ZCCHC2: variants seen among roughly 807,000 people sequenced by gnomAD.
ZCCHC2 encodes the protein zinc finger CCHC-type containing 2, also known as zinc finger CCHC domain-containing protein 2.
A neutral mutation model predicts 103.6 loss-of-function variants in ZCCHC2; 39 were observed. That is an observed-to-expected ratio of 0.38 (90% CI 0.29 to 0.49). The LOEUF (loss-of-function observed/expected upper bound fraction) is 0.49, where lower values mean the gene tolerates loss of function less well. Among genes scored for constraint, ZCCHC2 ranks in the 20% least tolerant of loss-of-function variants. ZCCHC2 has a pLI of 0.96. For missense variants in ZCCHC2, 1,483 were observed against 1,491.0 expected (o/e 0.99, Z 0.09); for synonymous variants, 687 against 608.9 (o/e 1.13, Z -1.89).
chr18:62,573,848 T>TAC (rs1916687264), intron 12 of ZCCHC2, among the ~76,000 whole-genome samples: 1 of 152,244 alleles, frequency 6.6e-6, no homozygotes, highest in Admixed American at 6.5e-5. Flanking sequence ...GTTTTCTGTT[T>TAC]ATATCCCCGT....
At chr18:62,529,196 A>AG (rs998430033) in intron 1 of ZCCHC2, among the ~76,000 whole-genome samples, 136 of 152,134 alleles carry the variant, frequency 8.9e-4, no homozygotes, top group African/African-American at 3.2e-3. Context: ...CTTTTTAAAA[A>AG]TGACCAGTTC....
intron 7 of ZCCHC2, among the ~76,000 whole-genome samples, chr18:62,559,565 T>G (rs2145517580): frequency 6.6e-6 from 1 of 152,326 alleles, no homozygotes; most frequent in South Asian, 2.1e-4. Flanking sequence ...GGACGAAATT[T>G]GGTGCTGTGT....
chr18:62,567,588 C>T (rs1307722761), intron 11 of ZCCHC2, among the ~76,000 whole-genome samples: 4 of 152,130 alleles, frequency 2.6e-5, no homozygotes, highest in Non-Finnish European at 5.9e-5. Flanking sequence ...TCTGTTAAAA[C>T]CCAAGCTTTC....
chr18:62,526,818 C>T (rs1313872062), intron 1 of ZCCHC2: 1 of 151,616 alleles, frequency 6.6e-6, no homozygotes, highest in South Asian at 2.1e-4. Flanking sequence ...AGATGGCGGC[C>T]GCGCGCGCCT....
chr18:62,539,924 C>T, intron 2 of ZCCHC2, 132 bp downstream of exon 2: 3 of 705,086 alleles, frequency 4.3e-6, no homozygotes, highest in Non-Finnish European at 7.0e-6. Flanking sequence ...CTAGGCTTCA[C>T]TCAAGAGCCA....
At chr18:62,537,819 T>C (rs1914993982) in intron 1 of ZCCHC2, among the ~76,000 whole-genome samples, 1 of 152,220 alleles carries the variant, frequency 6.6e-6, no homozygotes, top group Non-Finnish European at 1.5e-5. Context: ...GGTCATAAAA[T>C]AATTCTGTGT....
At chr18:62,526,590 TC>T (rs1379557652) in intron 1 of ZCCHC2, among the ~76,000 whole-genome samples, 2 of 152,102 alleles carry the variant, frequency 1.3e-5, no homozygotes, top group Non-Finnish European at 2.9e-5. Flanking sequence ...TTCGCTGCAG[TC>T]CGGCCCAGCT....
Position 62,539,595 on chromosome 18 carries a change from T to G in ZCCHC2, c.940-86T>G, listed in dbSNP as rs969218618. 6 of 1,208,342 alleles carry G rather than the reference T, an allele frequency of 5.0e-6. No homozygotes were observed. The African/African-American group carries it at 7.6e-5, about 15-fold the overall frequency. The allele number at this position is 1,208,342 out of a possible 1,614,324, so 74.9% of individuals were successfully genotyped here. On this transcript the variant is annotated intron_variant, in intron 1 of 13. Coordinates refer to ENST00000269499, the MANE Select transcript of ZCCHC2 (RefSeq NM_017742.6). ...CTCTAAAAATTGCCACTAAAATGGT[T>G]GTTAGTAAAATGAGAAGACCTAAAT...
intron 1 of ZCCHC2, among the ~76,000 whole-genome samples, chr18:62,528,556 G>A (rs1166211499): frequency 1.3e-5 from 2 of 148,512 alleles, no homozygotes; most frequent in Non-Finnish European, 3.0e-5. Flanking sequence ...CCGAGGTGGC[G>A]CCACTGCACT....
At position 62,523,389 on chromosome 18, in the gene ZCCHC2, G is replaced by GC; in HGVS notation, c.-31dup. ...CTCCACCTCGCGGCCCCTCCCGCCC[G>GC]CCCCCGCTCGCATGTCTGCGCCGCC... is the stretch of plus-strand genomic sequence containing the variant. On this transcript the variant is annotated 5_prime_UTR_variant, in exon 1 of 14. Coordinates refer to ENST00000269499, the MANE Select transcript of ZCCHC2 (RefSeq NM_017742.6). 6.8e-6 allele frequency: 1 copy of GC among 146,126 alleles called. No homozygotes were observed. The highest frequency in any genetic ancestry group is 9.2e-6 in the Non-Finnish European group (1 of 108,424). The allele number at this position is 146,126 out of a possible 1,614,324, so 9.1% of individuals were successfully genotyped here.
At chr18:62,549,309 A>G (rs9954701) in intron 4 of ZCCHC2, among the ~76,000 whole-genome samples, 9,316 of 152,240 alleles carry the variant, frequency 0.061, 628 homozygotes, top group African/African-American at 0.17. Context: ...AGAGTCTTCT[A>G]TCTGACCAGA....
intron 3 of ZCCHC2, 82 bp downstream of exon 3, chr18:62,542,656 T>A: frequency 1.7e-6 from 2 of 1,199,126 alleles, no homozygotes; most frequent in Non-Finnish European, 2.4e-6. Flanking sequence ...TTTGCTAATT[T>A]AAGGGAAAAG....
Position 62,523,267 on chromosome 18 carries a change from C to A in ZCCHC2, c.-158C>A. On this transcript the variant is annotated 5_prime_UTR_variant, in exon 1 of 14. Coordinates refer to ENST00000269499, the MANE Select transcript of ZCCHC2 (RefSeq NM_017742.6). The stretch of plus-strand genomic sequence containing the variant: ...AGCGACCCCGCCGGCCGGCCACCGC[C>A]CCCCTCGCCGGCCGAGACCCGCCCC... The A allele has an allele frequency of 1.6e-6, 1 of 630,810 alleles. No homozygotes were observed. Among genetic ancestry groups the A allele is most frequent in the African/African-American group, 2.0e-5 (1 of 50,316 alleles). The allele number at this position is 630,810 out of a possible 1,614,324, so 39.1% of individuals were successfully genotyped here. A position where few individuals can be genotyped will look rare whatever the true frequency, so the allele number is the denominator to read the frequency against.
chr18:62,584,355 TC>T (rs1359291535), intron 14 of ZCCHC2: 1 of 152,192 alleles, frequency 6.6e-6, no homozygotes, highest in Non-Finnish European at 1.5e-5. Context: ...AATCCCATGA[TC>T]CGGTTTTGCT....
chr18:62,565,920 A>T (rs1916343685), intron 11 of ZCCHC2, among the ~76,000 whole-genome samples: 1 of 152,216 alleles, frequency 6.6e-6, no homozygotes, highest in Non-Finnish European at 1.5e-5. Flanking sequence ...CTGAATAGTG[A>T]TGAAGAAAAA....
At chr18:62,524,541 C>A (rs946235680) in intron 1 of ZCCHC2, 178 bp downstream of exon 1, 87 of 986,310 alleles carry the variant, frequency 8.8e-5, no homozygotes, top group Admixed American at 7.4e-5. Flanking sequence ...CCGCTCCGTT[C>A]CACTCCCCCA....
intron 10 of ZCCHC2, 26 bp downstream of exon 10, chr18:62,564,661 C>T: frequency 1.3e-6 from 2 of 1,497,432 alleles, no homozygotes; most frequent in Non-Finnish European, 1.8e-6. Context: ...GGAAAGACAG[C>T]ATATAGCCTT....
chr18:62,553,277 T>G (rs187746638), intron 5 of ZCCHC2, among the ~76,000 whole-genome samples: 9 of 152,030 alleles, frequency 5.9e-5, no homozygotes, highest in Admixed American at 1.3e-4. Context: ...TTTAAATATA[T>G]TGGGACATGG....
chr18:62,538,308 T>C (rs1915021440), intron 1 of ZCCHC2, among the ~76,000 whole-genome samples: 2 of 151,332 alleles, frequency 1.3e-5, no homozygotes, highest in Non-Finnish European at 2.9e-5. Context: ...TCACCCAAGC[T>C]TCTTCCAGTT....
Sources: gnomAD v4.1 joint callset for allele counts (sites outside exome capture counted in the v4.1 genomes callset) on GRCh38, gnomAD v4.1.1 for gene constraint, MANE v1.5 for transcripts, NCBI Gene and HGNC (gene_info 2026-07-23, HGNC 2026-07-21) for gene names.